The following JARID2 variants were observed in gnomAD, a reference collection of about 807,000 sequenced individuals.
JARID2 encodes protein Jumonji.
In JARID2, 21 loss-of-function variants were observed where a neutral mutation model predicts 125.6. The ratio of observed to expected loss-of-function variants is 0.17; its 90% confidence interval spans 0.12 to 0.24. The LOEUF (loss-of-function observed/expected upper bound fraction) is 0.24, where lower values mean the gene tolerates loss of function less well. JARID2 is among the 10% of genes least tolerant of loss of function. The pLI is 1.00. For synonymous variants in JARID2, 736 were observed against 661.6 expected (o/e 1.11, Z -1.73); for missense variants, 1,303 against 1,639.6 (o/e 0.79, Z 3.55).
At chr6:15,456,358 A>T (rs1317966557) in intron 4 of JARID2, among the ~76,000 whole-genome samples, 1 of 152,224 alleles carries the variant, frequency 6.6e-6, no homozygotes, top group Non-Finnish European at 1.5e-5. Flanking sequence ...CTTCTTTTAG[A>T]TGTCAAATAC....
At chr6:15,392,680 C>CTTTTTTTTTTT (rs35429221) in intron 2 of JARID2, among the ~76,000 whole-genome samples, 22 of 120,892 alleles carry the variant, frequency 1.8e-4, no homozygotes, top group African/African-American at 7.2e-4. Flanking sequence ...GATTAAGAGA[C>CTTTTTTTTTTT]TTTTTTTTTT....
At chr6:15,431,722 C>T (rs1055229810) in intron 3 of JARID2, among the ~76,000 whole-genome samples, 6 of 152,158 alleles carry the variant, frequency 3.9e-5, no homozygotes, top group African/African-American at 1.4e-4. Flanking sequence ...AAGAAATTTA[C>T]AGATGGCAGT....
chr6:15,442,447 G>T (rs910403286), intron 3 of JARID2, among the ~76,000 whole-genome samples: 1 of 152,188 alleles, frequency 6.6e-6, no homozygotes, highest in South Asian at 2.1e-4. Flanking sequence ...GTAGCTACTT[G>T]CATGTGTTAC....
chr6:15,416,382 C>T (rs1481294947), intron 3 of JARID2, among the ~76,000 whole-genome samples: 2 of 152,216 alleles, frequency 1.3e-5, no homozygotes, highest in Non-Finnish European at 2.9e-5. Context: ...CGCCACTGCA[C>T]TCCAGCCTGG....
chr6:15,469,353 CTCTCT>C (rs1581608317), intron 5 of JARID2, among the ~76,000 whole-genome samples: 6 of 39,052 alleles, frequency 1.5e-4, no homozygotes, highest in South Asian at 1.3e-3. Flanking sequence ...CTCTCTCTCT[CTCTCT>C]CTCCTCCCCT....
intron 1 of JARID2, among the ~76,000 whole-genome samples, chr6:15,253,203 A>G (rs1160339678): frequency 6.6e-6 from 1 of 152,006 alleles, no homozygotes; most frequent in African/African-American, 2.4e-5. Context: ...AGCTGGGACT[A>G]ACCAGCGTGT....
At chr6:15,264,241 TC>T (rs1759994463) in intron 1 of JARID2, among the ~76,000 whole-genome samples, 2 of 152,272 alleles carry the variant, frequency 1.3e-5, no homozygotes, top group East Asian at 3.9e-4. Context: ...TCCTAGAACT[TC>T]CTGATGATAA....
intron 4 of JARID2, among the ~76,000 whole-genome samples, chr6:15,460,284 T>C (rs1768382440): frequency 6.6e-6 from 1 of 152,224 alleles, no homozygotes. Context: ...GTCATTTTGC[T>C]GTGAGGATTC....
intron 2 of JARID2, among the ~76,000 whole-genome samples, chr6:15,398,480 G>A (rs752283113): frequency 1.6e-4 from 24 of 152,188 alleles, no homozygotes; most frequent in Non-Finnish European, 2.6e-4. Context: ...GATGCTGTGA[G>A]TCTAATAGGG....
chr6:15,493,936 A>C (rs554998064), intron 6 of JARID2, among the ~76,000 whole-genome samples: 10 of 152,204 alleles, frequency 6.6e-5, no homozygotes, highest in Non-Finnish European at 1.2e-4. Context: ...CCTCTCCAAA[A>C]GGGTTTCGCA....
rs116734338 is a variant in JARID2, at chr6:15,496,914, C to T, written c.1689C>T (p.Ser563=). 388 of 1,601,744 alleles carry T rather than the reference C, an allele frequency of 2.4e-4. No individual in the cohort carries two copies. The African/African-American group carries it at 4.0e-3, about 17-fold the overall frequency. The part of the protein sequence containing the change: ...AMDEIPVLRP[S]AKEFHDPLIY... ...ACGAGATCCCCGTCCTCAGGCCCTC[C>T]GCCAAGGAGTTCCACGATCCGCTCA... Residue 563 remains serine (S), a synonymous_variant, in exon 7 of 18, where the codon TCC becomes TCT. Transcript: ENST00000341776.
At chr6:15,338,048 C>G (rs1762939385) in intron 1 of JARID2, among the ~76,000 whole-genome samples, 1 of 152,184 alleles carries the variant, frequency 6.6e-6, no homozygotes, top group Non-Finnish European at 1.5e-5. Context: ...CCAGGGAACT[C>G]AGTTTGCCGA....
chr6:15,487,457 C>G lies in JARID2; in HGVS notation c.821C>G (p.Pro274Arg). 1 of 1,614,246 alleles carries G rather than the reference C, an allele frequency of 6.2e-7. No individual in the cohort carries two copies. Among genetic ancestry groups the G allele is most frequent in the Non-Finnish European group, 8.5e-7 (1 of 1,180,050 alleles). ...QASANHPAAA[P>R]STGSSAKGLA... ...TCAGCTAACCACCCCGCAGCGGCCC[C>G]CTCCACGGGTTCCTCGGCCAAGGGG... Residue 274 changes from proline to arginine, a missense_variant, in exon 6 of 18, where the codon CCC becomes CGC. Coordinates refer to ENST00000341776, the MANE Select transcript of JARID2 (RefSeq NM_004973.4).
intron 3 of JARID2, among the ~76,000 whole-genome samples, chr6:15,424,028 T>C (rs1269900172): frequency 6.6e-6 from 1 of 152,152 alleles, no homozygotes; most frequent in African/African-American, 2.4e-5. Context: ...GTTTGGCCAG[T>C]ACTTACTACT....
chr6:15,423,432 A>G (rs920893139), intron 3 of JARID2, among the ~76,000 whole-genome samples: 1 of 152,232 alleles, frequency 6.6e-6, no homozygotes, highest in Non-Finnish European at 1.5e-5. Context: ...TATAGGAGGT[A>G]GAGTTCAACA....
At chr6:15,266,372 A>G (rs572721424) in intron 1 of JARID2, among the ~76,000 whole-genome samples, 7 of 152,318 alleles carry the variant, frequency 4.6e-5, no homozygotes, top group African/African-American at 1.7e-4. Flanking sequence ...CGTCTTCCCA[A>G]ATTCCTTCTC....
intron 1 of JARID2, among the ~76,000 whole-genome samples, chr6:15,276,662 T>C (rs2127365314): frequency 6.6e-6 from 1 of 152,316 alleles, no homozygotes; most frequent in East Asian, 1.9e-4. Context: ...GTCGGAGATC[T>C]TTTTTCATTA....
intron 1 of JARID2, among the ~76,000 whole-genome samples, chr6:15,277,021 T>C (rs1248746666): frequency 1.3e-5 from 2 of 152,226 alleles, no homozygotes; most frequent in Non-Finnish European, 2.9e-5. Flanking sequence ...ATTCAAATTT[T>C]CAGTTCTTCA....
At chr6:15,302,535 G>A (rs1176007491) in intron 1 of JARID2, among the ~76,000 whole-genome samples, 1 of 152,028 alleles carries the variant, frequency 6.6e-6, no homozygotes, top group African/African-American at 2.4e-5. Context: ...TATTGATTGT[G>A]GTCACTGTAC....
Sources: gnomAD v4.1 joint callset for allele counts (sites outside exome capture counted in the v4.1 genomes callset) on GRCh38, gnomAD v4.1.1 for gene constraint, MANE v1.5 for transcripts, NCBI Gene and HGNC (gene_info 2026-07-23, HGNC 2026-07-21) for gene names.